The following NOSTRIN variants were observed in gnomAD, a reference collection of about 807,000 sequenced individuals.
NOSTRIN encodes the protein nitric oxide synthase trafficking.
Under a neutral mutation model 59.0 loss-of-function variants are expected in NOSTRIN, and 63 were observed. That is an observed-to-expected ratio of 1.07 (90% CI 0.87 to 1.32). NOSTRIN has a LOEUF of 1.32. NOSTRIN is among the 40% of genes most tolerant of loss of function. NOSTRIN has a pLI of 0.00. For missense variants in NOSTRIN, 512 were observed against 473.1 expected, an observed-to-expected ratio of 1.08 and a Z score of -0.76; for synonymous variants, 200 against 165.4, an observed-to-expected ratio of 1.21 and a Z score of -1.61.
At chr2:168,858,279 C>G (rs1559142366) in intron 12 of NOSTRIN, among the ~76,000 whole-genome samples, 3 of 152,170 alleles carry the variant, frequency 2.0e-5, no homozygotes, top group Non-Finnish European at 4.4e-5. Flanking sequence ...GGTGAAGGAG[C>G]AACTATGAAC....
rs1272579135 is a variant in NOSTRIN, at chr2:168,843,871, AC to A, written c.630+755del. Among the ~76,000 whole-genome samples the A allele has an allele frequency of 3.3e-5, 5 of 152,168 alleles. No individual in the cohort carries two copies. In the East Asian group the frequency reaches 7.7e-4, roughly 23 times the overall value. On this transcript the variant is annotated intron_variant, in intron 8 of 15. Coordinates refer to ENST00000317647, the MANE Select transcript of NOSTRIN (RefSeq NM_001039724.4). ...ATCCTACAGAAAAATGTACATTTGT[AC>A]TCCAAGAGTGATGCACAAGAATGTT...
upstream of NOSTRIN, among the ~76,000 whole-genome samples, chr2:168,794,727 C>A: frequency 6.6e-6 from 1 of 152,112 alleles, no homozygotes; most frequent in Non-Finnish European, 1.5e-5. Flanking sequence ...TGCCCTCAGT[C>A]TCAGGGGTGT....
At chr2:168,841,904 G>T (rs1247802273) in intron 7 of NOSTRIN, among the ~76,000 whole-genome samples, 1 of 152,188 alleles carries the variant, frequency 6.6e-6, no homozygotes. Context: ...ATGTACAAAA[G>T]GGGTGTAATC....
At chr2:168,849,564 C>A (rs947286147) in intron 8 of NOSTRIN, among the ~76,000 whole-genome samples, 1 of 150,582 alleles carries the variant, frequency 6.6e-6, no homozygotes, top group African/African-American at 2.4e-5. Flanking sequence ...CCACGTTGGG[C>A]AGGCTGGCCT....
chr2:168,790,992 T>G (rs1298229209), intron 2 of NOSTRIN, among the ~76,000 whole-genome samples: 1 of 152,130 alleles, frequency 6.6e-6, no homozygotes, highest in Non-Finnish European at 1.5e-5. Flanking sequence ...TTTCTTTTTT[T>G]AAATTTTATT....
chr2:168,819,677 A>T lies in NOSTRIN; in HGVS notation c.114-4957A>T, dbSNP rs184492359. 1.3e-5 allele frequency among the ~76,000 whole-genome samples: 2 copies of T among 152,298 alleles called. 1 individual carries two copies. The highest frequency in any genetic ancestry group is 3.9e-4 in the East Asian group (2 of 5,178). ...ATTTGCTCAGGTTCCCAAAATGGTC[A>T]TTAGGATTTAAAATGCAAGAGTAGA... On this transcript the variant is annotated intron_variant, in intron 2 of 15. Transcript: ENST00000317647.
At chr2:168,802,356 C>G, upstream of NOSTRIN, 2 of 360,160 alleles carry the variant, frequency 5.6e-6, no homozygotes, top group South Asian at 7.1e-5. Context: ...GCTTCTCTGC[C>G]TTCTCTCAAT....
In NOSTRIN at chr2:168,841,724, TG is replaced by T. The variant is rs568454627; in HGVS notation, c.505-1267del. ...TTCCCTTTTGCCCCTGAAGTTTGGC[TG>T]AAAATCACTGACAAGAGACAGATGA... is the stretch of plus-strand genomic sequence containing the variant. On this transcript the variant is annotated intron_variant, in intron 7 of 15. Transcript: ENST00000317647. 1.4e-4 allele frequency among the ~76,000 whole-genome samples: 22 copies of T among 152,328 alleles called. 1 individual carries two copies. The highest frequency in any genetic ancestry group is 4.8e-4 in the African/African-American group (20 of 41,574).
intron 2 of NOSTRIN, among the ~76,000 whole-genome samples, chr2:168,789,986 G>A (rs7595826): frequency 0.13 from 19,786 of 152,170 alleles, 1,912 homozygotes; most frequent in African/African-American, 0.27. Context: ...CTGGTTTTTA[G>A]TCAGGCCACA....
intron 2 of NOSTRIN, among the ~76,000 whole-genome samples, chr2:168,792,854 A>T (rs17265408): frequency 0.086 from 13,132 of 152,284 alleles, 724 homozygotes; most frequent in Middle Eastern, 0.12. Context: ...TTTATTAAAC[A>T]GTCGTTATGT....
upstream of NOSTRIN, among the ~76,000 whole-genome samples, chr2:168,802,198 G>T (rs1685635613): frequency 6.6e-6 from 1 of 152,130 alleles, no homozygotes; most frequent in African/African-American, 2.4e-5. Flanking sequence ...CCTCAGAGAG[G>T]CAGTCTGTCT....
At chr2:168,803,149 C>G (rs1469954414) in intron 1 of NOSTRIN, among the ~76,000 whole-genome samples, 3 of 152,200 alleles carry the variant, frequency 2.0e-5, no homozygotes, top group Non-Finnish European at 2.9e-5. Flanking sequence ...AGACTCCCCA[C>G]TCTGCCTGGC....
intron 2 of NOSTRIN, among the ~76,000 whole-genome samples, chr2:168,814,636 G>A (rs1224313390): frequency 1.3e-5 from 2 of 152,222 alleles, no homozygotes; most frequent in African/African-American, 4.8e-5. Flanking sequence ...CATTTCCATT[G>A]AGGGTTATGA....
At chr2:168,835,390 T>G (rs548428030) in intron 7 of NOSTRIN, among the ~76,000 whole-genome samples, 1 of 152,340 alleles carries the variant, frequency 6.6e-6, no homozygotes, top group Admixed American at 6.5e-5. Flanking sequence ...GCCTTCTCGA[T>G]AATGTAATTT....
intron 6 of NOSTRIN, among the ~76,000 whole-genome samples, chr2:168,833,313 G>A (rs778505647): frequency 6.6e-6 from 1 of 152,154 alleles, no homozygotes; most frequent in Non-Finnish European, 1.5e-5. Flanking sequence ...TGGAGAAAGA[G>A]GGCCATGAGC....
chr2:168,806,745 G>A (rs1685870598), intron 1 of NOSTRIN, among the ~76,000 whole-genome samples: 1 of 152,050 alleles, frequency 6.6e-6, no homozygotes, highest in Non-Finnish European at 1.5e-5. Context: ...AGAATCAATA[G>A]TAGATTATTC....
At chr2:168,789,008 C>T (rs1347420629) in intron 2 of NOSTRIN, among the ~76,000 whole-genome samples, 16 of 152,222 alleles carry the variant, frequency 1.1e-4, no homozygotes, top group Admixed American at 7.2e-4. Context: ...CCTGAGCACA[C>T]CTAGCACCCC....
At chr2:168,799,576 A>G (rs1460990446), upstream of NOSTRIN, among the ~76,000 whole-genome samples, 2 of 152,158 alleles carry the variant, frequency 1.3e-5, no homozygotes, top group African/African-American at 2.4e-5. Flanking sequence ...ACCCATATCC[A>G]GGAGAGGTGC....
chr2:168,799,389 C>T (rs1439824267), upstream of NOSTRIN, among the ~76,000 whole-genome samples: 1 of 152,210 alleles, frequency 6.6e-6, no homozygotes, highest in African/African-American at 2.4e-5. Flanking sequence ...GGAACTCAGT[C>T]TCCTCCTCCC....
Sources: gnomAD v4.1 joint callset for allele counts (sites outside exome capture counted in the v4.1 genomes callset) on GRCh38, gnomAD v4.1.1 for gene constraint, MANE v1.5 for transcripts, NCBI Gene and HGNC (gene_info 2026-07-23, HGNC 2026-07-21) for gene names.